Variants in DMD observed in about 807,000 individuals in gnomAD.
DMD encodes the protein dystrophin, also known as mutant dystrophin.
Under a neutral mutation model 330.1 loss-of-function variants are expected in DMD, and 63 were observed. The observed-to-expected ratio is 0.19, with a 90% CI of 0.16 to 0.24. DMD has a LOEUF of 0.24. Among genes scored for constraint, DMD ranks in the 10% least tolerant of loss-of-function variants. The pLI, the probability that DMD is intolerant of heterozygous loss-of-function variation, is 1.00. For synonymous variants in DMD, 1,223 were observed against 959.8 expected (o/e 1.27, Z -5.07); for missense variants, 3,344 against 2,684.1 (o/e 1.25, Z -5.43).
chrX:31,575,602 C>T (rs2076056609), intron 55 of DMD, among the ~76,000 whole-genome samples: 1 of 111,698 alleles, frequency 9.0e-6, no homozygotes, highest in South Asian at 3.7e-4. Flanking sequence ...ATATGGAACA[C>T]TAAAATCACA....
intron 44 of DMD, among the ~76,000 whole-genome samples, chrX:32,202,892 G>A (rs2097047372): frequency 8.9e-6 from 1 of 112,137 alleles, no homozygotes; most frequent in Non-Finnish European, 1.9e-5. Flanking sequence ...AACCCAGGAA[G>A]TATACAGCAA....
chrX:32,970,749 G>GTTTTCAGTGTTCATT lies in DMD; in HGVS notation c.93+49389_93+49390insAATGAACACTGAAAA, dbSNP rs1296436024. On this transcript the variant is annotated intron_variant, in intron 2 of 78. Coordinates refer to ENST00000357033, the MANE Select transcript of DMD (RefSeq NM_004006.3). ...TTTTTCTTTATTTAGTCTTAACACT[G>GTTTTCAGTGTTCATT]AAAAGTCTTAATGAATGTGTATCTA... Among the ~76,000 whole-genome samples, 11 of 93,697 alleles carry GTTTTCAGTGTTCATT rather than the reference G, an allele frequency of 1.2e-4. 3 individuals carry two copies. Among genetic ancestry groups the GTTTTCAGTGTTCATT allele is most frequent in the African/African-American group, 5.3e-4 (11 of 20,774 alleles). 81.4% of individuals were successfully genotyped at this position (93,697 alleles called of 115,157 possible).
At chrX:31,386,511 CAT>C (rs757934388) in intron 60 of DMD, among the ~76,000 whole-genome samples, 1 of 111,941 alleles carries the variant, frequency 8.9e-6, no homozygotes, top group East Asian at 2.8e-4. Context: ...ATTATGTAAT[CAT>C]AGCACTTTTA....
chrX:32,432,166 C>T (rs2098241017), intron 29 of DMD, among the ~76,000 whole-genome samples: 1 of 111,660 alleles, frequency 9.0e-6, no homozygotes, highest in Non-Finnish European at 1.9e-5. Flanking sequence ...AGACAGATGT[C>T]TTTTTATGTT....
intron 42 of DMD, among the ~76,000 whole-genome samples, chrX:32,304,389 T>C (rs188559610): frequency 9.0e-6 from 1 of 110,940 alleles, no homozygotes; most frequent in African/African-American, 3.3e-5. Flanking sequence ...AATTGCAGCA[T>C]AATAGTCAAG....
At chrX:32,071,393 C>A (rs1442853905) in intron 44 of DMD, among the ~76,000 whole-genome samples, 1 of 107,415 alleles carries the variant, frequency 9.3e-6, no homozygotes, top group Non-Finnish European at 1.9e-5. Context: ...GTTTTCTCAG[C>A]AAACTATCGC....
At chrX:32,983,171 C>T (rs371006432) in intron 2 of DMD, among the ~76,000 whole-genome samples, 1 of 110,524 alleles carries the variant, frequency 9.0e-6, no homozygotes, top group South Asian at 3.9e-4. Context: ...CTGAAGTAAC[C>T]CTTATCTTTC....
At chrX:32,898,868 G>A (rs2085970434) in intron 2 of DMD, among the ~76,000 whole-genome samples, 1 of 111,451 alleles carries the variant, frequency 9.0e-6, no homozygotes, top group Non-Finnish European at 1.9e-5. Flanking sequence ...CCTACCTCAG[G>A]CTTGCACAGA....
At chrX:32,129,641 C>G (rs144938059) in intron 44 of DMD, among the ~76,000 whole-genome samples, 1 of 105,300 alleles carries the variant, frequency 9.5e-6, no homozygotes, top group Non-Finnish European at 1.9e-5. Flanking sequence ...TCAATCAGTC[C>G]CTATAGATAG....
chrX:33,002,875 A>G (rs1231784816), intron 2 of DMD, among the ~76,000 whole-genome samples: 16 of 84,026 alleles, frequency 1.9e-4, no homozygotes, highest in African/African-American at 6.1e-4. Flanking sequence ...AAAAAAAAAA[A>G]GAAGAAGAAA....
rs185667409 is a variant in DMD, at chrX:31,498,375, A to G, written c.8391-1431T>C. ...ATTTAGAAATTAATGAAATTTATAT[A>G]TGAATTTAATTAAATAGCTCTTAAT... On this transcript the variant is annotated intron_variant, in intron 56 of 78. Transcript: ENST00000357033. 4.5e-5 allele frequency among the ~76,000 whole-genome samples: 5 copies of G among 112,034 alleles called. No homozygotes were observed. In the Admixed American group the frequency reaches 4.8e-4, roughly 11 times the overall value.
intron 44 of DMD, 44 bp from the exon 45 acceptor site, chrX:31,968,558 C>T: frequency 8.5e-7 from 1 of 1,169,886 alleles, no homozygotes; most frequent in Non-Finnish European, 1.2e-6. Flanking sequence ...AGCCCCATGT[C>T]TTTTTATTTG....
intron 4 of DMD, among the ~76,000 whole-genome samples, chrX:32,832,785 G>A (rs892332712): frequency 1.2e-4 from 13 of 111,594 alleles, no homozygotes; most frequent in Admixed American, 1.1e-3. Context: ...TGCATGTATT[G>A]AATCTTTTTC....
chrX:31,503,586 G>A (rs1197389163), intron 56 of DMD, among the ~76,000 whole-genome samples: 1 of 111,787 alleles, frequency 8.9e-6, no homozygotes, highest in Non-Finnish European at 1.9e-5. Context: ...GAAGAAACAT[G>A]TTATCAAGTG....
chrX:32,502,495 C>A (rs1478313361), intron 18 of DMD, among the ~76,000 whole-genome samples: 2 of 111,453 alleles, frequency 1.8e-5, no homozygotes, highest in Non-Finnish European at 3.8e-5. Flanking sequence ...TTAACAATAG[C>A]CAGAATTTCA....
intron 44 of DMD, among the ~76,000 whole-genome samples, chrX:32,101,821 G>A (rs2096541028): frequency 9.0e-6 from 1 of 111,185 alleles, no homozygotes; most frequent in African/African-American, 3.3e-5. Flanking sequence ...AATCCCCAAC[G>A]TGGCAGCACC....
intron 27 of DMD, among the ~76,000 whole-genome samples, chrX:32,445,435 G>A (rs954922061): frequency 9.0e-6 from 1 of 111,050 alleles, no homozygotes; most frequent in African/African-American, 3.3e-5. Flanking sequence ...TGGGATGGAG[G>A]AGGAGACTGT....
chrX:32,547,073 A>AT (rs2049042934), intron 16 of DMD, among the ~76,000 whole-genome samples: 2 of 111,222 alleles, frequency 1.8e-5, no homozygotes, highest in African/African-American at 6.5e-5. Context: ...TTATTTGAAT[A>AT]TTTTTTTAAC....
At chrX:31,606,545 A>G (rs1159100590) in intron 55 of DMD, among the ~76,000 whole-genome samples, 1 of 111,645 alleles carries the variant, frequency 9.0e-6, no homozygotes, top group African/African-American at 3.2e-5. Flanking sequence ...TAACATGTAC[A>G]TTCTATCTGA....
Sources: allele counts gnomAD v4.1 joint callset (sites outside exome capture counted in the v4.1 genomes callset), GRCh38; gene constraint gnomAD v4.1.1; transcripts MANE v1.5; gene names NCBI Gene and HGNC (gene_info 2026-07-23, HGNC 2026-07-21).